Variants in RPTOR observed in about 807,000 individuals in gnomAD.
The protein encoded by RPTOR is regulatory associated protein of MTOR complex 1.
A neutral mutation model predicts 169.9 loss-of-function variants in RPTOR; 21 were observed. The observed-to-expected ratio is 0.12, with a 90% CI of 0.09 to 0.18. The LOEUF is 0.18. Among genes scored for constraint, RPTOR ranks in the 10% least tolerant of loss-of-function variants. The pLI is 1.00. For missense variants in RPTOR, 1,133 were observed against 1,855.9 expected (o/e 0.61, Z 7.16); for synonymous variants, 732 against 753.2 (o/e 0.97, Z 0.46).
intron 21 of RPTOR, among the ~76,000 whole-genome samples, chr17:80,921,553 G>A (rs1201189428): frequency 1.4e-4 from 22 of 152,232 alleles, no homozygotes. Flanking sequence ...GCCGACAGCT[G>A]GTCTCCAGAT....
At chr17:80,710,569 GTA>G (rs200105713) in intron 4 of RPTOR, among the ~76,000 whole-genome samples, 4,999 of 106,464 alleles carry the variant, frequency 0.047, 186 homozygotes, top group African/African-American at 0.12. Context: ...TTGGTTATTT[GTA>G]TGTGTGTGTG....
At chr17:80,892,469 C>T (rs2143870737) in intron 18 of RPTOR, among the ~76,000 whole-genome samples, 1 of 152,352 alleles carries the variant, frequency 6.6e-6, no homozygotes, top group South Asian at 2.1e-4. Context: ...TCGGACAGGC[C>T]GCAGCCACCA....
At chr17:80,902,497 C>T (rs773377322) in intron 20 of RPTOR, among the ~76,000 whole-genome samples, 24 of 152,256 alleles carry the variant, frequency 1.6e-4, no homozygotes, top group Non-Finnish European at 2.4e-4. Flanking sequence ...AGCATGATGT[C>T]GCCATTTTTA....
chr17:80,584,513 T>G (rs186732132), intron 1 of RPTOR, among the ~76,000 whole-genome samples: 179 of 152,064 alleles, frequency 1.2e-3, no homozygotes, highest in Non-Finnish European at 2.0e-3. Flanking sequence ...AATCATCATC[T>G]GCGGATGGAG....
intron 4 of RPTOR, among the ~76,000 whole-genome samples, chr17:80,712,607 A>G (rs999760174): frequency 6.6e-6 from 1 of 152,212 alleles, no homozygotes; most frequent in African/African-American, 2.4e-5. Flanking sequence ...ACTTCTGACA[A>G]TTAGGAATAA....
intron 6 of RPTOR, among the ~76,000 whole-genome samples, chr17:80,790,664 A>G (rs951104184): frequency 6.6e-6 from 1 of 152,154 alleles, no homozygotes; most frequent in Non-Finnish European, 1.5e-5. Context: ...CACTTCTGCC[A>G]TCACTCACTT....
intron 1 of RPTOR, among the ~76,000 whole-genome samples, chr17:80,558,277 G>C (rs1370566886): frequency 2.6e-5 from 4 of 152,150 alleles, no homozygotes; most frequent in African/African-American, 9.7e-5. Flanking sequence ...CTCCAGACTG[G>C]GTGACAGAGC....
At chr17:80,691,548 G>A (rs766699667) in intron 3 of RPTOR, among the ~76,000 whole-genome samples, 1 of 152,154 alleles carries the variant, frequency 6.6e-6, no homozygotes, top group Non-Finnish European at 1.5e-5. Context: ...GTTCTTCACC[G>A]ATGTCCACGT....
chr17:80,720,194 A>G (rs747878385), intron 4 of RPTOR, among the ~76,000 whole-genome samples: 3 of 152,154 alleles, frequency 2.0e-5, no homozygotes, highest in Non-Finnish European at 4.4e-5. Flanking sequence ...GCTACTCAGG[A>G]GGCTGAGACA....
chr17:80,754,402 G>A lies in RPTOR; in HGVS notation c.830+217G>A, dbSNP rs1250981419. On this transcript the variant is annotated intron_variant, in intron 6 of 33. Transcript: ENST00000306801. This position sits in a 1 kb window ranked among gnomAD's most constrained non-coding sequence, Gnocchi z 4.2. ...TCCTTCTTCCTTCTGATCTGTTCGTGGGCAGCTCACTGCTTTGCGATTTCC... is the reference window on the plus strand; with the variant it reads ...TCCTTCTTCCTTCTGATCTGTTCGTAGGCAGCTCACTGCTTTGCGATTTCC... Among the ~76,000 whole-genome samples the A allele has an allele frequency of 6.6e-6, 1 of 152,130 alleles. No individual in the cohort carries two copies. The highest frequency in any genetic ancestry group is 1.5e-5 in the Non-Finnish European group (1 of 68,022).
At chr17:80,806,680 A>G (rs938297444) in intron 7 of RPTOR, among the ~76,000 whole-genome samples, 1 of 152,234 alleles carries the variant, frequency 6.6e-6, no homozygotes, top group African/African-American at 2.4e-5. Context: ...GTTTTCCAAG[A>G]ACAACCTTGC....
At chr17:80,549,316 A>G (rs187411097) in intron 1 of RPTOR, among the ~76,000 whole-genome samples, 4 of 152,326 alleles carry the variant, frequency 2.6e-5, no homozygotes, top group Admixed American at 2.6e-4. Context: ...GTAGTTCAAA[A>G]TGAATCATTC....
At chr17:80,602,789 G>T in intron 1 of RPTOR, 3 of 703,340 alleles carry the variant, frequency 4.3e-6, no homozygotes, top group East Asian at 2.6e-5. Context: ...GAATCTCTCT[G>T]AGTGCCCAAG....
intron 6 of RPTOR, among the ~76,000 whole-genome samples, chr17:80,760,313 T>TC (rs1414878708): frequency 3.5e-5 from 5 of 144,570 alleles, no homozygotes; most frequent in Non-Finnish European, 7.6e-5. Context: ...TTTTCTTTTT[T>TC]TTTTTTTTGA....
chr17:80,934,770 C>T (rs776871765), intron 24 of RPTOR, among the ~76,000 whole-genome samples: 1 of 152,174 alleles, frequency 6.6e-6, no homozygotes, highest in African/African-American at 2.4e-5. Context: ...CACAACCTGT[C>T]ACAGAAAATT....
At chr17:80,811,317 G>C (rs909475575) in intron 7 of RPTOR, among the ~76,000 whole-genome samples, 11 of 152,170 alleles carry the variant, frequency 7.2e-5, no homozygotes, top group Non-Finnish European at 1.5e-4. Flanking sequence ...TTCGTCAGCG[G>C]CTTCCTCTGT....
intron 3 of RPTOR, among the ~76,000 whole-genome samples, chr17:80,656,117 C>A (rs1190967123): frequency 6.6e-6 from 1 of 152,160 alleles, no homozygotes; most frequent in African/African-American, 2.4e-5. Context: ...GTCACCCAGG[C>A]TGGGGTGCAG....
intron 1 of RPTOR, among the ~76,000 whole-genome samples, chr17:80,611,105 CTT>C (rs2065267318): frequency 6.6e-6 from 1 of 152,094 alleles, no homozygotes; most frequent in African/African-American, 2.4e-5. Context: ...ATTTTGAAAA[CTT>C]TTCACACAAT....
chr17:80,923,929 C>G, intron 23 of RPTOR: 1 of 497,122 alleles, frequency 2.0e-6, no homozygotes, highest in Non-Finnish European at 3.5e-6. Flanking sequence ...TTTAGGAGCA[C>G]TGCTGGGTGT....
Sources: gnomAD v4.1 joint callset for allele counts (sites outside exome capture counted in the v4.1 genomes callset) on GRCh38, gnomAD v4.1.1 for gene constraint, Gnocchi (gnomAD v3.1) non-coding constraint, MANE v1.5 for transcripts, NCBI Gene and HGNC (gene_info 2026-07-23, HGNC 2026-07-21) for gene names.